The following SDK2 variants were observed in gnomAD, a reference collection of about 807,000 sequenced individuals.
SDK2 encodes the protein sidekick cell adhesion molecule 2, also known as protein sidekick-2.
In SDK2, 105 loss-of-function variants were observed where a neutral mutation model predicts 253.9. The ratio of observed to expected loss-of-function variants is 0.41; its 90% CI spans 0.35 to 0.49. The LOEUF is 0.49. Among genes scored for constraint, SDK2 ranks in the 20% least tolerant of loss-of-function variants. SDK2 has a pLI of 0.06. For synonymous variants in SDK2, 1,249 were observed against 1,234.9 expected (o/e 1.01, Z -0.24); for missense variants, 2,608 against 3,003.0 (o/e 0.87, Z 3.07).
At chr17:73,392,770 G>A (rs1055173040) in intron 27 of SDK2, among the ~76,000 whole-genome samples, 11 of 152,110 alleles carry the variant, frequency 7.2e-5, no homozygotes, top group Admixed American at 4.6e-4. Context: ...GGGCGTGTGC[G>A]GGGAGATAGG....
At chr17:73,441,848 C>G (rs2063418949) in intron 5 of SDK2, among the ~76,000 whole-genome samples, 1 of 152,158 alleles carries the variant, frequency 6.6e-6, no homozygotes, top group Admixed American at 6.5e-5. Context: ...CCCACCCATT[C>G]ATATGTTGAG....
chr17:73,386,265 G>A (rs190385725), intron 31 of SDK2, among the ~76,000 whole-genome samples, 180 bp downstream of exon 31: 15 of 152,338 alleles, frequency 9.8e-5, no homozygotes, highest in Non-Finnish European at 2.1e-4. Context: ...GGGACCCTGA[G>A]CCCTTGGCAA....
At chr17:73,525,933 TGAGC>T (rs2064122016) in intron 1 of SDK2, among the ~76,000 whole-genome samples, 1 of 152,194 alleles carries the variant, frequency 6.6e-6, no homozygotes, top group East Asian at 1.9e-4. Context: ...AATGTCAGAG[TGAGC>T]AAGAAGGAAA....
intron 15 of SDK2, 68 bp downstream of exon 15, chr17:73,422,219 C>G: frequency 1.9e-6 from 3 of 1,564,596 alleles, no homozygotes; most frequent in East Asian, 2.3e-5. Context: ...TCTGCCACAT[C>G]GGTTTCGGCT....
chr17:73,452,104 A>C (rs2063494509), intron 4 of SDK2, among the ~76,000 whole-genome samples: 1 of 151,938 alleles, frequency 6.6e-6, no homozygotes, highest in Non-Finnish European at 1.5e-5. Context: ...TTAATTATGC[A>C]TGAAATAAAT....
At chr17:73,619,073 A>G (rs2046095967) in intron 1 of SDK2, among the ~76,000 whole-genome samples, 1 of 152,012 alleles carries the variant, frequency 6.6e-6, no homozygotes, top group Admixed American at 6.6e-5. Context: ...AGGCTGAGAC[A>G]AGAGAACTGC....
At chr17:73,432,032 G>A (rs1282281897) in intron 10 of SDK2, among the ~76,000 whole-genome samples, 3 of 152,152 alleles carry the variant, frequency 2.0e-5, no homozygotes, top group Non-Finnish European at 4.4e-5. Context: ...GGTTGGGGGA[G>A]CTGGCGGGGG....
In SDK2 at chr17:73,618,614, A is replaced by G. The variant is rs140475859; in HGVS notation, c.64+25411T>C. On this transcript the variant is annotated intron_variant, in intron 1 of 44. Coordinates refer to ENST00000392650, the MANE Select transcript of SDK2 (RefSeq NM_001144952.2). This position sits in a 1 kb window ranked among gnomAD's most constrained non-coding sequence, Gnocchi z 4.1. ...AAGGGTGTTTCCCTTTGGAATCTAG[A>G]GTCCACGTGGTGCCCAAGAACGGCA... 7.7e-3 allele frequency among the ~76,000 whole-genome samples: 1,180 copies of G among 152,310 alleles called. 21 individuals carry two copies. The highest frequency in any genetic ancestry group is 0.027 in the African/African-American group (1,120 of 41,562).
At position 73,443,467 on chromosome 17, in the gene SDK2, G is replaced by A. The variant is rs1366383790; in HGVS notation, c.614-2544C>T. On this transcript the variant is annotated intron_variant, in intron 5 of 44. Transcript: ENST00000392650. This position sits in a 1 kb window ranked among gnomAD's most constrained non-coding sequence, Gnocchi z 4.6. Reference sequence around the variant, plus strand: ...CACGGCTCAGATTAATGGGGCACAAGTAAGAGACAGACAGTTAGAGCCCAA... The same window carrying A: ...CACGGCTCAGATTAATGGGGCACAAATAAGAGACAGACAGTTAGAGCCCAA... Among the ~76,000 whole-genome samples the A allele has an allele frequency of 6.6e-6, 1 of 152,268 alleles. No individual in the cohort carries two copies. The highest frequency in any genetic ancestry group is 1.9e-4 in the East Asian group (1 of 5,194).
At chr17:73,340,841 T>C (rs1453447717) in intron 44 of SDK2, among the ~76,000 whole-genome samples, 2 of 141,170 alleles carry the variant, frequency 1.4e-5, no homozygotes, top group African/African-American at 2.6e-5. Flanking sequence ...CCTCCCGGGT[T>C]CAAGTGATTC....
intron 18 of SDK2, 51 bp downstream of exon 18, chr17:73,414,593 C>A (rs1019438606): frequency 7.0e-7 from 1 of 1,426,854 alleles, no homozygotes; most frequent in Admixed American, 1.7e-5. Flanking sequence ...CTCCCCACCC[C>A]CTCCAGAAGA....
intron 1 of SDK2, chr17:73,518,295 C>T (rs2064046333): frequency 6.8e-6 from 1 of 147,224 alleles, no homozygotes; most frequent in South Asian, 2.1e-4. Context: ...CTGCCACTCA[C>T]AGGCTGTGTT....
chr17:73,603,433 C>G (rs2045867851), intron 1 of SDK2, among the ~76,000 whole-genome samples: 1 of 152,230 alleles, frequency 6.6e-6, no homozygotes, highest in Admixed American at 6.5e-5. Context: ...ATCTATCACA[C>G]TGATAAGTTG....
At chr17:73,442,819 G>GA (rs1346834529) in intron 5 of SDK2, among the ~76,000 whole-genome samples, 136 of 141,074 alleles carry the variant, frequency 9.6e-4, no homozygotes, top group South Asian at 6.9e-3. Flanking sequence ...GGTTTTATTG[G>GA]AAAAAAAAAA....
At chr17:73,512,804 C>A (rs944580475) in intron 1 of SDK2, among the ~76,000 whole-genome samples, 1 of 151,954 alleles carries the variant, frequency 6.6e-6, no homozygotes, top group Non-Finnish European at 1.5e-5. Context: ...CAAATACATA[C>A]GAGGAAATTT....
chr17:73,380,531 C>T (rs141321744), intron 34 of SDK2, among the ~76,000 whole-genome samples: 1 of 152,290 alleles, frequency 6.6e-6, no homozygotes, highest in African/African-American at 2.4e-5. Context: ...CGAGAAGTGC[C>T]TTCGATGGGA....
intron 3 of SDK2, among the ~76,000 whole-genome samples, chr17:73,458,741 C>T (rs2063545475): frequency 1.3e-5 from 2 of 152,192 alleles, no homozygotes; most frequent in African/African-American, 4.8e-5. Context: ...TGCAGTGGCT[C>T]ACGCCTGTAA....
Position 73,562,521 on chromosome 17 carries a change from A to T in SDK2, c.65-54924T>A, listed in dbSNP as rs542973161. Among the ~76,000 whole-genome samples, 204 of 152,228 alleles carry T rather than the reference A, an allele frequency of 1.3e-3. 1 individual carries two copies. Among genetic ancestry groups the T allele is most frequent in the Non-Finnish European group, 5.7e-4 (39 of 68,016 alleles). On this transcript the variant is annotated intron_variant, in intron 1 of 44. Coordinates refer to ENST00000392650, the MANE Select transcript of SDK2 (RefSeq NM_001144952.2). ...CAACAGCCACGTGGAATCTGGGGGA[A>T]CATGAGGCCAGGCACTTCTCAAAGA...
chr17:73,428,459 C>T (rs1390434730), intron 12 of SDK2, among the ~76,000 whole-genome samples: 4 of 152,134 alleles, frequency 2.6e-5, no homozygotes, highest in Admixed American at 1.3e-4. Context: ...GCTCTGAGGA[C>T]GTGTCACTCA....
Sources: gnomAD v4.1 joint callset for allele counts (sites outside exome capture counted in the v4.1 genomes callset) on GRCh38, gnomAD v4.1.1 for gene constraint, Gnocchi (gnomAD v3.1) non-coding constraint, MANE v1.5 for transcripts, NCBI Gene and HGNC (gene_info 2026-07-23, HGNC 2026-07-21) for gene names.